Variants in ATF7 observed in about 807,000 individuals in gnomAD.
The protein encoded by ATF7 is cyclic AMP-dependent transcription factor ATF-7.
A neutral mutation model predicts 50.4 loss-of-function variants in ATF7; 10 were observed. The ratio of observed to expected loss-of-function variants is 0.20; its 90% confidence interval spans 0.12 to 0.34. ATF7 has a LOEUF of 0.34. ATF7 is among the 10% of genes least tolerant of loss of function. ATF7 has a pLI of 1.00. For synonymous variants in ATF7, 201 were observed against 226.4 expected (o/e 0.89, Z 1.01); for missense variants, 465 against 613.9 (o/e 0.76, Z 2.56).
At position 53,543,417 on chromosome 12, in the gene ATF7, C is replaced by A. The variant is rs1338586322; in HGVS notation, c.177G>T (p.Lys59Asn). The A allele has an allele frequency of 6.2e-7, 1 of 1,600,578 alleles. No homozygotes were observed. Residue 59 changes from lysine (K) to asparagine (N), a missense_variant, in exon 4 of 12, where the codon AAG (lysine) becomes AAT (asparagine). Lys to Asn is a moderately conservative substitution (Grantham distance 94). Coordinates refer to ENST00000420353, the MANE Select transcript of ATF7 (RefSeq NM_006856.3). ...DQTPTPTRFLKNCEEVGLFNE... is the reference protein window; with the variant it reads ...DQTPTPTRFLNNCEEVGLFNE... ...TGAAGAGTCCCACCTCCTCACAGTTCTTCAGGAATCTAGTTGGAGTAGGCG... is the reference window on the plus strand; with the variant it reads ...TGAAGAGTCCCACCTCCTCACAGTTATTCAGGAATCTAGTTGGAGTAGGCG...
chr12:53,619,288 G>C (rs1331230703), intron 1 of ATF7, among the ~76,000 whole-genome samples: 1 of 151,050 alleles, frequency 6.6e-6, no homozygotes, highest in Non-Finnish European at 1.5e-5. Context: ...CCAGGAGTTT[G>C]AGACCAGCCT....
chr12:53,607,773 T>C (rs960758772), intron 1 of ATF7, among the ~76,000 whole-genome samples: 5 of 152,188 alleles, frequency 3.3e-5, no homozygotes, highest in Admixed American at 2.6e-4. Context: ...AATGGTTATC[T>C]CTGGATAATG....
intron 1 of ATF7, among the ~76,000 whole-genome samples, chr12:53,604,664 T>C (rs1943532772): frequency 6.6e-6 from 1 of 152,162 alleles, no homozygotes; most frequent in Non-Finnish European, 1.5e-5. Context: ...AAAAGCCACA[T>C]ACAAACACAT....
Position 53,514,951 on chromosome 12 carries a change from G to T in ATF7, c.*2186C>A, listed in dbSNP as rs961862669. 7 of 152,174 alleles carry T rather than the reference G, an allele frequency of 4.6e-5. No homozygotes were observed. The highest frequency in any genetic ancestry group is 1.7e-4 in the African/African-American group (7 of 41,444). The allele number at this position is 152,174 out of a possible 1,614,324, so 9.4% of individuals were successfully genotyped here. On this transcript the variant is annotated 3_prime_UTR_variant, in exon 12 of 12. Transcript: ENST00000420353. The stretch of plus-strand genomic sequence containing the variant: ...AAAAATGAAACAAAACTCTAAAGCA[G>T]GAGAAAATCCCAGGGAGCAGCCAGC...
chr12:53,551,014 T>C (rs1940320988), intron 3 of ATF7, among the ~76,000 whole-genome samples: 1 of 152,254 alleles, frequency 6.6e-6, no homozygotes, highest in South Asian at 2.1e-4. Context: ...TTCTACTTAA[T>C]ATTAACTCAT....
intron 2 of ATF7, among the ~76,000 whole-genome samples, chr12:53,556,650 T>C (rs148949171): frequency 1.3e-5 from 2 of 152,336 alleles, no homozygotes; most frequent in Non-Finnish European, 2.9e-5. Context: ...ATGTTTTACA[T>C]AGTCCTTATA....
Position 53,516,711 on chromosome 12 carries a change from T to G in ATF7, c.*426A>C. ...TGTCATCAAATCTAGCCTCCCTCTA[T>G]CTGGCAGGAAGTGGCATGCTGGTAA... is the stretch of plus-strand genomic sequence containing the variant. On this transcript the variant is annotated 3_prime_UTR_variant, in exon 12 of 12. Transcript: ENST00000420353. 1 of 190,174 alleles carries G rather than the reference T, an allele frequency of 5.3e-6. No individual in the cohort carries two copies. The highest frequency in any genetic ancestry group is 1.1e-5 in the Non-Finnish European group (1 of 88,540). 11.8% of individuals were successfully genotyped at this position (190,174 alleles called of 1,614,324 possible). A position where few individuals can be genotyped will look rare whatever the true frequency, so the allele number is the denominator to read the frequency against.
At chr12:53,559,322 TC>T (rs1276672697) in intron 2 of ATF7, among the ~76,000 whole-genome samples, 1 of 151,890 alleles carries the variant, frequency 6.6e-6, no homozygotes, top group East Asian at 1.9e-4. Context: ...GCCTCAGCCT[TC>T]CAAAGTGCTG....
intron 4 of ATF7, chr12:53,543,070 G>T: frequency 7.6e-7 from 1 of 1,320,212 alleles, no homozygotes; most frequent in Non-Finnish European, 9.7e-7. Context: ...TTAAAAAACC[G>T]ATTATTAAAC....
At chr12:53,556,221 A>G (rs1940744420) in intron 2 of ATF7, among the ~76,000 whole-genome samples, 1 of 152,196 alleles carries the variant, frequency 6.6e-6, no homozygotes, top group African/African-American at 2.4e-5. Context: ...CGGCCTTTTT[A>G]TCATATATTT....
intron 2 of ATF7, among the ~76,000 whole-genome samples, chr12:53,600,594 A>G (rs1180769946): frequency 6.6e-6 from 1 of 152,188 alleles, no homozygotes; most frequent in African/African-American, 2.4e-5. Flanking sequence ...GGCCTCCCAA[A>G]GTGCTGGGAT....
chr12:53,585,650 T>C (rs1942644420), intron 2 of ATF7, among the ~76,000 whole-genome samples: 1 of 152,162 alleles, frequency 6.6e-6, no homozygotes, highest in South Asian at 2.1e-4. Context: ...AACCAAAGCA[T>C]AGCAGAAAGT....
intron 2 of ATF7, among the ~76,000 whole-genome samples, chr12:53,562,904 T>C (rs1941227420): frequency 6.6e-6 from 1 of 152,062 alleles, no homozygotes; most frequent in African/African-American, 2.4e-5. Flanking sequence ...ATTTGACTCT[T>C]GGGGGTGGGG....
intron 1 of ATF7, among the ~76,000 whole-genome samples, chr12:53,607,174 C>T (rs1341807797): frequency 1.3e-5 from 2 of 152,180 alleles, no homozygotes; most frequent in Admixed American, 1.3e-4. Flanking sequence ...TTTACAGTCC[C>T]ACCAACAGTG....
intron 2 of ATF7, among the ~76,000 whole-genome samples, chr12:53,553,123 G>C (rs528529466): frequency 1.4e-4 from 21 of 152,310 alleles, no homozygotes; most frequent in South Asian, 8.3e-4. Context: ...AGGATTAGGA[G>C]AACCATTTAA....
At chr12:53,596,810 TA>T (rs1222340949) in intron 2 of ATF7, among the ~76,000 whole-genome samples, 6 of 152,204 alleles carry the variant, frequency 3.9e-5, no homozygotes, top group African/African-American at 1.2e-4. Flanking sequence ...AGTACCAAAC[TA>T]TATTTCTATT....
At chr12:53,522,255 T>C (rs1286995464) in intron 11 of ATF7, among the ~76,000 whole-genome samples, 1 of 152,216 alleles carries the variant, frequency 6.6e-6, no homozygotes, top group Non-Finnish European at 1.5e-5. Context: ...ACAGTATCTT[T>C]GGAATAAGAA....
At chr12:53,562,535 C>T (rs1011147054) in intron 2 of ATF7, among the ~76,000 whole-genome samples, 1 of 151,882 alleles carries the variant, frequency 6.6e-6, no homozygotes, top group Non-Finnish European at 1.5e-5. Flanking sequence ...CCCAGCTACT[C>T]GGGAGGCTGA....
rs141702669 is a variant in ATF7 at position 53,539,561 on chromosome 12, C to T, written c.265-2009G>A. ...TAAATTAGTCAGGCATGGTGGTACG[C>T]GCCTGTAGTCCCAGCTACTTGGGAG... On this transcript the variant is annotated intron_variant, in intron 4 of 11. Transcript: ENST00000420353. Among the ~76,000 whole-genome samples the T allele has an allele frequency of 7.6e-3, 1,154 of 151,966 alleles. 14 individuals carry two copies. The highest frequency in any genetic ancestry group is 0.026 in the African/African-American group (1,088 of 41,398).
Sources: gnomAD v4.1 joint callset for allele counts (sites outside exome capture counted in the v4.1 genomes callset) on GRCh38, gnomAD v4.1.1 for gene constraint, MANE v1.5 for transcripts, NCBI Gene and HGNC (gene_info 2026-07-23, HGNC 2026-07-21) for gene names.